The following MPST variants were observed in gnomAD, a reference collection of about 807,000 sequenced individuals.
MPST encodes the protein 3-mercaptopyruvate sulfurtransferase.
MPST carries 27 observed loss-of-function variants against 28.5 expected under a neutral mutation model. The observed-to-expected ratio is 0.95, with a 90% CI of 0.70 to 1.31. The LOEUF (loss-of-function observed/expected upper bound fraction) is 1.31. Ranked by LOEUF, MPST falls within the 50% of genes most tolerant of loss-of-function variation. The probability of loss-of-function intolerance (pLI) is 0.00; values close to 1 mark genes in which losing one functional copy is unlikely to be tolerated. For missense variants in MPST, 492 were observed against 471.1 expected (o/e 1.04, Z -0.41); for synonymous variants, 204 against 209.3 (o/e 0.97, Z 0.22).
chr22:37,024,260 G>A lies in MPST; in HGVS notation c.105G>A (p.Trp35Ter). Residue 35 changes from tryptophan (W) to a stop codon, truncating the protein, a stop_gained, in exon 2 of 3, where the codon TGG becomes TGA. Transcript: ENST00000429360. LOFTEE classifies it high-confidence loss of function. ...QLCRALVSAQ[W>*]VAEALRAPRA... ...GCCGCGCGCTGGTGTCGGCGCAATGGGTGGCGGAGGCGCTGCGGGCCCCGC... is the reference window on the plus strand; with the variant it reads ...GCCGCGCGCTGGTGTCGGCGCAATGAGTGGCGGAGGCGCTGCGGGCCCCGC... 1.4e-6 allele frequency: 2 copies of A among 1,455,204 alleles called. No individual in the cohort carries two copies. Among genetic ancestry groups the A allele is most frequent in the Non-Finnish European group, 1.8e-6 (2 of 1,113,304 alleles). 90.1% of individuals were successfully genotyped at this position (1,455,204 alleles called of 1,614,324 possible). A position where few individuals can be genotyped will look rare whatever the true frequency, so the allele number is the denominator to read the frequency against.
At position 37,029,596 on chromosome 22, in the gene MPST, A is replaced by G; in HGVS notation, c.*82A>G. 3 of 1,369,822 alleles carry G rather than the reference A, an allele frequency of 2.2e-6. No homozygotes were observed. Among genetic ancestry groups the G allele is most frequent in the Middle Eastern group, 2.6e-4 (1 of 3,774 alleles). The allele number at this position is 1,369,822 out of a possible 1,614,324, so 84.9% of individuals were successfully genotyped here. On this transcript the variant is annotated 3_prime_UTR_variant, in exon 3 of 3. Coordinates refer to ENST00000429360, the MANE Select transcript of MPST (RefSeq NM_021126.8). ...TGGTAGCTCCGCTTCTGCTTTCACC[A>G]AGAGAGTGTTTCTTCACTCAACTCA...
At chr22:37,025,907 C>T (rs1051071576) in intron 2 of MPST, 3 of 152,200 alleles carry the variant, frequency 2.0e-5, no homozygotes, top group Admixed American at 6.5e-5. Flanking sequence ...AAGGACTGTC[C>T]CTGCTCTTCA....
In MPST at chr22:37,029,198, C is replaced by T; in HGVS notation, c.656-18C>T. ...GCATCCTTCTATTTGTCCCCTCCTC[C>T]CTGCTCCCCTGCTGTAGGCATTGAA... On this transcript the variant is annotated intron_variant, in intron 2 of 2. Transcript: ENST00000429360. 2 of 1,608,510 alleles carry T rather than the reference C, an allele frequency of 1.2e-6. No individual in the cohort carries two copies. The highest frequency in any genetic ancestry group is 1.7e-6 in the Non-Finnish European group (2 of 1,176,212).
chr22:37,019,867 A>C lies in MPST; in HGVS notation c.31A>C (p.Thr11Pro). MAEPGSRESE[T>P]RARSPSVAAM... Reference sequence around the variant, plus strand: ...GGAGCCAGGAAGCCGGGAGTCCGAGACCCGGGTAACTGCCGCGGCGTGGCG... The same window carrying C: ...GGAGCCAGGAAGCCGGGAGTCCGAGCCCCGGGTAACTGCCGCGGCGTGGCG... Residue 11 changes from threonine to proline, a missense_variant, in exon 1 of 3, where the codon ACC (threonine) becomes CCC (proline). Transcript: ENST00000429360. 1 of 1,213,968 alleles carries C rather than the reference A, an allele frequency of 8.2e-7. No individual in the cohort carries two copies. The highest frequency in any genetic ancestry group is 1.0e-6 in the Non-Finnish European group (1 of 970,790). The allele number at this position is 1,213,968 out of a possible 1,614,324, so 75.2% of individuals were successfully genotyped here. A position where few individuals can be genotyped will look rare whatever the true frequency, so the allele number is the denominator to read the frequency against.
At chr22:37,024,989 C>T (rs965423790) in intron 2 of MPST, 179 bp downstream of exon 2, 4 of 1,489,258 alleles carry the variant, frequency 2.7e-6, no homozygotes, top group African/African-American at 2.8e-5. Flanking sequence ...CTACCCTTGC[C>T]TTCTTTTCAC....
intron 1 of MPST, 27 bp from the exon 2 acceptor site, chr22:37,024,160 GCTTCC>G: frequency 7.3e-7 from 1 of 1,369,280 alleles, no homozygotes; most frequent in Non-Finnish European, 9.4e-7. Flanking sequence ...GCCTCTCCCT[GCTTCC>G]CTTCTGACAT....
Position 37,024,082 on chromosome 22 carries a change from C to A in MPST, c.37-110C>A, listed in dbSNP as rs11704682. 1.6e-5 allele frequency: 20 copies of A among 1,265,512 alleles called. No individual in the cohort carries two copies. The Admixed American group carries it at 1.9e-4, about 12-fold the overall frequency. 78.4% of individuals were successfully genotyped at this position (1,265,512 alleles called of 1,614,324 possible). ...GTTTCTGCGTTCCCTGGACTCTGCC[C>A]TGCACGGGCCGCACCTCCCCCGCCG... On this transcript the variant is annotated intron_variant, in intron 1 of 2. Coordinates refer to ENST00000429360, the MANE Select transcript of MPST (RefSeq NM_021126.8).
intron 2 of MPST, chr22:37,025,176 A>G: frequency 2.3e-6 from 3 of 1,295,792 alleles, no homozygotes; most frequent in Non-Finnish European, 3.0e-6. Context: ...TTTGTCTGTT[A>G]AGCAGAACCA....
At chr22:37,027,892 C>T (rs996502422) in intron 2 of MPST, 1 of 152,246 alleles carries the variant, frequency 6.6e-6, no homozygotes, top group African/African-American at 2.4e-5. Context: ...AGCCCCCAGC[C>T]AGTGTGGCGT....
intron 2 of MPST, chr22:37,026,928 TTTTG>T (rs1236634491): frequency 1.3e-5 from 2 of 152,374 alleles, no homozygotes; most frequent in Admixed American, 6.5e-5. Flanking sequence ...TTGGGGGGTT[TTTTG>T]TTTGTGTTTG....
intron 1 of MPST, among the ~76,000 whole-genome samples, chr22:37,022,762 T>G (rs1923168938): frequency 6.6e-6 from 1 of 152,234 alleles, no homozygotes. Flanking sequence ...GTTCTCTACC[T>G]GCCCCCTTCA....
At chr22:37,022,673 C>T (rs532536816) in intron 1 of MPST, among the ~76,000 whole-genome samples, 6 of 152,368 alleles carry the variant, frequency 3.9e-5, no homozygotes, top group African/African-American at 1.4e-4. Flanking sequence ...ATTCATAAAG[C>T]AGGCGTCCTA....
Position 37,029,242 on chromosome 22 carries a change from A to G in MPST, c.682A>G (p.Thr228Ala). 1 of 1,614,130 alleles carries G rather than the reference A, an allele frequency of 6.2e-7. No homozygotes were observed. The highest frequency in any genetic ancestry group is 8.5e-7 in the Non-Finnish European group (1 of 1,180,008). Residue 228 changes from threonine (T) to alanine (A), a missense_variant, in exon 3 of 3, where the codon ACC becomes GCC. Physicochemically the swap from Thr to Ala is moderately conservative, Grantham distance 58. Coordinates refer to ENST00000429360, the MANE Select transcript of MPST (RefSeq NM_021126.8). ...CATTGAACCTGGCCACATCCCAGGT[A>G]CCGTGAACATCCCCTTCACAGACTT... ...DGIEPGHIPG[T>A]VNIPFTDFLS...
At position 37,029,498 on chromosome 22, in the gene MPST, G is replaced by A. The variant is rs779739824; in HGVS notation, c.938G>A (p.Arg313Gln). 1.5e-5 allele frequency: 24 copies of A among 1,603,394 alleles called. No homozygotes were observed. Among genetic ancestry groups the A allele is most frequent in the Admixed American group, 3.4e-5 (2 of 59,510 alleles). The change falls in exon 3 of 3, where the codon CGG (arginine) becomes CAG (glutamine). Residue 313 changes from arginine to glutamine, a missense_variant. Coordinates refer to ENST00000429360, the MANE Select transcript of MPST (RefSeq NM_021126.8). ...ARPEDVISEG[R>Q]GKTH is the part of the protein sequence containing the mutation. The stretch of plus-strand genomic sequence containing the variant: ...CCCGAGGATGTCATCTCAGAGGGCC[G>A]GGGGAAGACCCACTGAAGCTGGGCA...
Position 37,023,872 on chromosome 22 carries a change from C to A in MPST, c.37-320C>A, listed in dbSNP as rs1414006332. ...CTTTGCCCCTGTTTGTGCCTTGAAG[C>A]CAGCAGGGCCTTGCCCTAGGATACC... On this transcript the variant is annotated intron_variant, in intron 1 of 2. Transcript: ENST00000429360. 2 of 1,458,378 alleles carry A rather than the reference C, an allele frequency of 1.4e-6. 1 individual carries two copies. Among genetic ancestry groups the A allele is most frequent in the South Asian group, 2.4e-5 (2 of 82,266 alleles). 90.3% of individuals were successfully genotyped at this position (1,458,378 alleles called of 1,614,324 possible).
Position 37,029,618 on chromosome 22 carries a change from C to T in MPST, c.*104C>T, listed in dbSNP as rs1413107211. Reference sequence around the variant, plus strand: ...ACCAAGAGAGTGTTTCTTCACTCAACTCAGGTGGCATTTGGGGTGACATCT... The same window carrying T: ...ACCAAGAGAGTGTTTCTTCACTCAATTCAGGTGGCATTTGGGGTGACATCT... On this transcript the variant is annotated 3_prime_UTR_variant, in exon 3 of 3. Transcript: ENST00000429360. 4.9e-5 allele frequency: 60 copies of T among 1,222,916 alleles called. No homozygotes were observed. In the East Asian group the frequency reaches 1.5e-3, roughly 31 times the overall value. 75.8% of individuals were successfully genotyped at this position (1,222,916 alleles called of 1,614,324 possible). A position where few individuals can be genotyped will look rare whatever the true frequency, so the allele number is the denominator to read the frequency against.
Position 37,024,632 on chromosome 22 carries a change from C to G in MPST, c.477C>G (p.Asn159Lys). 1.9e-6 allele frequency: 3 copies of G among 1,597,974 alleles called. No individual in the cohort carries two copies. The highest frequency in any genetic ancestry group is 2.5e-6 in the Non-Finnish European group (3 of 1,179,308). ...DGGLRHWLRQ[N>K]LPLSSGKSQP... is the part of the protein sequence containing the mutation. ...GCCTCCGCCACTGGCTGCGCCAGAA[C>G]CTCCCGCTCAGCTCCGGCAAGAGCC... The change falls in exon 2 of 3, where the codon AAC becomes AAG. Residue 159 changes from asparagine (N) to lysine (K), a missense_variant. Physicochemically the swap from Asn to Lys is moderately conservative, Grantham distance 94 (BLOSUM62 0). Coordinates refer to ENST00000429360, the MANE Select transcript of MPST (RefSeq NM_021126.8).
At position 37,019,842 on chromosome 22, in the gene MPST, G is replaced by T; in HGVS notation, c.6G>T (p.Ala2=). The T allele has an allele frequency of 1.6e-6, 2 of 1,218,176 alleles. 1 individual carries two copies. The highest frequency in any genetic ancestry group is 2.1e-6 in the Non-Finnish European group (2 of 973,476). 75.5% of individuals were successfully genotyped at this position (1,218,176 alleles called of 1,614,324 possible). The change falls in exon 1 of 3, where the codon GCG becomes GCT. Residue 2 remains alanine (A), a synonymous_variant. Transcript: ENST00000429360. The stretch of plus-strand genomic sequence containing the variant: ...GGCGCCGCGCCGCGGGGGCCATGGC[G>T]GAGCCAGGAAGCCGGGAGTCCGAGA... The part of the protein sequence containing the change: M[A]EPGSRESETR...
intron 2 of MPST, chr22:37,028,191 AG>A (rs1923652110): frequency 6.6e-6 from 1 of 151,026 alleles, no homozygotes; most frequent in African/African-American, 2.5e-5. Context: ...ACTTGAGGCC[AG>A]GAATTCAAGA....
Sources: allele counts gnomAD v4.1 joint callset (sites outside exome capture counted in the v4.1 genomes callset), GRCh38; gene constraint gnomAD v4.1.1; transcripts MANE v1.5; gene names NCBI Gene and HGNC (gene_info 2026-07-23, HGNC 2026-07-21).